GUCY1B1: variants seen among roughly 807,000 people sequenced by gnomAD.
GUCY1B1 encodes guanylate cyclase soluble subunit beta-1.
Under a neutral mutation model 71.0 loss-of-function variants are expected in GUCY1B1, and 43 were observed. That is an observed-to-expected ratio of 0.61 (90% CI 0.47 to 0.78). The LOEUF (loss-of-function observed/expected upper bound fraction) is 0.78, where lower values mean the gene tolerates loss of function less well. Ranked by LOEUF, GUCY1B1 falls within the 30% of genes least tolerant of loss-of-function variation. The pLI is 0.00. For synonymous variants in GUCY1B1, 266 were observed against 259.7 expected (o/e 1.02, Z -0.23); for missense variants, 535 against 754.1 (o/e 0.71, Z 3.40).
In GUCY1B1 at chr4:155,759,039, C is replaced by G; in HGVS notation, c.-102C>G. 1.6e-6 allele frequency: 2 copies of G among 1,276,074 alleles called. No homozygotes were observed. Among genetic ancestry groups the G allele is most frequent in the Non-Finnish European group, 2.2e-6 (2 of 902,788 alleles). 79.0% of individuals were successfully genotyped at this position (1,276,074 alleles called of 1,614,324 possible). A position where few individuals can be genotyped will look rare whatever the true frequency, so the allele number is the denominator to read the frequency against. On this transcript the variant is annotated 5_prime_UTR_variant, in exon 1 of 14. Coordinates refer to ENST00000264424, the MANE Select transcript of GUCY1B1 (RefSeq NM_000857.5). ...TGTTCTCGCTCCAGCTCGATGCTGC[C>G]TCCCCGGCCCGGTTGCGCTGTAGCC...
intron 9 of GUCY1B1, among the ~76,000 whole-genome samples, chr4:155,801,067 A>C (rs535949335): frequency 1.3e-5 from 2 of 152,332 alleles, no homozygotes; most frequent in Admixed American, 1.3e-4. Context: ...GATATTCTGT[A>C]CTGAAAAAGC....
intron 3 of GUCY1B1, among the ~76,000 whole-genome samples, chr4:155,775,440 G>A (rs537883766): frequency 6.6e-6 from 1 of 151,962 alleles, no homozygotes; most frequent in Non-Finnish European, 1.5e-5. Context: ...CTACAGGCAC[G>A]CACCACCACG....
intron 7 of GUCY1B1, 132 bp from the exon 8 acceptor site, chr4:155,796,245 C>G: frequency 1.3e-6 from 1 of 779,934 alleles, no homozygotes; most frequent in Non-Finnish European, 2.1e-6. Flanking sequence ...TGACAGAAGG[C>G]CCTCTCCTGT....
In GUCY1B1 at chr4:155,777,601, A is replaced by G. The variant is rs754998839; in HGVS notation, c.256A>G (p.Ile86Val). 2.5e-6 allele frequency: 4 copies of G among 1,606,514 alleles called. No homozygotes were observed. Among genetic ancestry groups the G allele is most frequent in the Non-Finnish European group, 3.4e-6 (4 of 1,173,132 alleles). ...TTGCCAAGAATCTGGTTATGATACA[A>G]TCTTGCGTGTCCTGGGCTCTAATGT... ...VFCQESGYDT[I>V]LRVLGSNVRE... The change falls in exon 4 of 14, where the codon ATC (isoleucine) becomes GTC (valine). Residue 86 changes from isoleucine to valine, a missense_variant. Physicochemically the swap from Ile to Val is conservative, Grantham distance 29. Transcript: ENST00000264424.
rs375756531 is a variant in GUCY1B1, at chr4:155,772,251, A to G, written c.78-2717A>G. On this transcript the variant is annotated intron_variant, in intron 2 of 13. Transcript: ENST00000264424. The stretch of plus-strand genomic sequence containing the variant: ...AATTTAATATTTTATGTACAGTGCT[A>G]TAATTGTTTGAGTAGACATGGGGAG... 5.6e-4 allele frequency among the ~76,000 whole-genome samples: 86 copies of G among 152,318 alleles called. No homozygotes were observed. The South Asian group carries it at 0.017, about 31-fold the overall frequency.
intron 7 of GUCY1B1, among the ~76,000 whole-genome samples, chr4:155,796,103 G>A (rs1315814742): frequency 1.3e-5 from 2 of 152,122 alleles, no homozygotes; most frequent in African/African-American, 4.8e-5. Context: ...AAATCAGGGG[G>A]ATAAAAAAGA....
At chr4:155,782,050 T>C (rs1233543724) in intron 4 of GUCY1B1, among the ~76,000 whole-genome samples, 2 of 152,040 alleles carry the variant, frequency 1.3e-5, no homozygotes, top group South Asian at 2.1e-4. Context: ...ATAGTCAATG[T>C]CTTTTTTTGC....
intron 3 of GUCY1B1, among the ~76,000 whole-genome samples, chr4:155,777,233 A>C (rs1174928464): frequency 6.6e-6 from 1 of 152,238 alleles, no homozygotes; most frequent in Non-Finnish European, 1.5e-5. Flanking sequence ...TTGAGTATTT[A>C]GAATTTCAGA....
chr4:155,801,888 T>C (rs1739979651), intron 9 of GUCY1B1, among the ~76,000 whole-genome samples: 1 of 152,192 alleles, frequency 6.6e-6, no homozygotes, highest in African/African-American at 2.4e-5. Flanking sequence ...TTAATATTAC[T>C]TACCAAAAAT....
At chr4:155,795,505 T>C (rs899442567) in intron 7 of GUCY1B1, 48 bp downstream of exon 7, 1 of 914,056 alleles carries the variant, frequency 1.1e-6, no homozygotes, top group Non-Finnish European at 1.8e-6. Context: ...ATGTCACAAA[T>C]TAGAAGTATT....
intron 2 of GUCY1B1, among the ~76,000 whole-genome samples, chr4:155,770,452 G>A (rs1287246131): frequency 6.6e-6 from 1 of 152,292 alleles, no homozygotes; most frequent in Non-Finnish European, 1.5e-5. Context: ...AAGAAAAGTT[G>A]TATTGAGAAT....
rs1027693585 is a variant in GUCY1B1 at position 155,786,694 on chromosome 4, T to C, written c.298-3020T>C. 7.2e-5 allele frequency among the ~76,000 whole-genome samples: 11 copies of C among 151,912 alleles called. No individual in the cohort carries two copies. The South Asian group carries it at 8.3e-4, about 11-fold the overall frequency. On this transcript the variant is annotated intron_variant, in intron 4 of 13. Transcript: ENST00000264424. ...TTCACCGTGTTAGCCAGGATGGTCT[T>C]GATCTCCTGACCTTGTGATCCGCCC...
chr4:155,764,010 AT>A (rs35272445), intron 2 of GUCY1B1, among the ~76,000 whole-genome samples: 82,472 of 151,994 alleles, frequency 0.54, 22,694 homozygotes, highest in East Asian at 0.68. Context: ...ATCAGTCTAA[AT>A]TTTTTTTATC....
chr4:155,794,907 A>G (rs565057202), intron 6 of GUCY1B1, among the ~76,000 whole-genome samples: 10 of 152,328 alleles, frequency 6.6e-5, no homozygotes, highest in East Asian at 5.8e-4. Context: ...TAAGCAATCA[A>G]TCAGTGTTAC....
intron 5 of GUCY1B1, among the ~76,000 whole-genome samples, chr4:155,792,336 G>A (rs140461423): frequency 1.3e-5 from 2 of 152,020 alleles, no homozygotes; most frequent in Non-Finnish European, 2.9e-5. Flanking sequence ...ATAAGTTTAG[G>A]ATACATATAA....
At chr4:155,803,829 C>T (rs1404563046) in intron 11 of GUCY1B1, 65 bp downstream of exon 11, 13 of 1,092,310 alleles carry the variant, frequency 1.2e-5, no homozygotes, top group South Asian at 3.8e-5. Flanking sequence ...TGATTCATAT[C>T]GTTGTCCGGA....
At chr4:155,769,741 T>C (rs1239934280) in intron 2 of GUCY1B1, among the ~76,000 whole-genome samples, 3 of 152,140 alleles carry the variant, frequency 2.0e-5, no homozygotes, top group Admixed American at 6.6e-5. Flanking sequence ...AAAATGACAG[T>C]ATGTCCAAAA....
chr4:155,800,471 T>G lies in GUCY1B1; in HGVS notation c.1175+397T>G, dbSNP rs191038826. 1.9e-3 allele frequency among the ~76,000 whole-genome samples: 283 copies of G among 152,328 alleles called. 1 individual carries two copies. The highest frequency in any genetic ancestry group is 6.5e-3 in the African/African-American group (271 of 41,584). On this transcript the variant is annotated intron_variant, in intron 9 of 13. Transcript: ENST00000264424. ...GCGTGCAGAGAGCTGCTCTGCACAA[T>G]GAACTTAACCACTGGCCATTACATG...
At chr4:155,781,019 C>G (rs1738382194) in intron 4 of GUCY1B1, among the ~76,000 whole-genome samples, 1 of 152,084 alleles carries the variant, frequency 6.6e-6, no homozygotes, top group Non-Finnish European at 1.5e-5. Flanking sequence ...AGCAGAATTT[C>G]CTTGGAAGTT....
Sources: gnomAD v4.1 joint callset for allele counts (sites outside exome capture counted in the v4.1 genomes callset) on GRCh38, gnomAD v4.1.1 for gene constraint, MANE v1.5 for transcripts, NCBI Gene and HGNC (gene_info 2026-07-23, HGNC 2026-07-21) for gene names.